Variants in DCC observed in about 807,000 individuals in gnomAD.
DCC encodes netrin receptor DCC.
A neutral mutation model predicts 172.5 loss-of-function variants in DCC; 58 were observed. That is an observed-to-expected ratio of 0.34 (90% confidence interval 0.27 to 0.42). DCC has a LOEUF of 0.42. Among genes scored for constraint, DCC ranks in the 10% least tolerant of loss-of-function variants. The pLI, the probability that DCC is intolerant of heterozygous loss-of-function variation, is 1.00. For missense variants in DCC, 1,740 were observed against 1,791.0 expected (o/e 0.97, Z 0.51); for synonymous variants, 709 against 644.5 (o/e 1.10, Z -1.52).
intron 1 of DCC, among the ~76,000 whole-genome samples, chr18:52,681,289 C>T (rs12964582): frequency 0.46 from 69,554 of 151,358 alleles, 16,074 homozygotes; most frequent in Non-Finnish European, 0.5. Context: ...CCCTTATCCT[C>T]CGTCCATTGC....
intron 7 of DCC, among the ~76,000 whole-genome samples, chr18:53,129,641 G>T (rs1358448224): frequency 6.6e-6 from 1 of 151,890 alleles, no homozygotes; most frequent in African/African-American, 2.4e-5. Flanking sequence ...TTCATCCATG[G>T]TTGTGTGTGT....
chr18:52,348,228 G>A (rs867557038), intron 1 of DCC, among the ~76,000 whole-genome samples: 1 of 152,112 alleles, frequency 6.6e-6, no homozygotes, highest in Non-Finnish European at 1.5e-5. Flanking sequence ...CTAATCTATT[G>A]TTGATGGATT....
At chr18:53,091,666 CTATTTA>C (rs2144182137) in intron 7 of DCC, among the ~76,000 whole-genome samples, 1 of 151,718 alleles carries the variant, frequency 6.6e-6, no homozygotes, top group African/African-American at 2.4e-5. Context: ...AGCACAAATT[CTATTTA>C]TAAGGGCTCC....
intron 1 of DCC, among the ~76,000 whole-genome samples, chr18:52,744,176 T>C (rs1457595619): frequency 6.6e-6 from 1 of 152,192 alleles, no homozygotes; most frequent in Non-Finnish European, 1.5e-5. Context: ...ATTTATTTAG[T>C]ATAAGTATTT....
chr18:53,145,322 C>T (rs1397720698), intron 7 of DCC, among the ~76,000 whole-genome samples: 5 of 152,054 alleles, frequency 3.3e-5, no homozygotes, highest in Non-Finnish European at 7.4e-5. Flanking sequence ...ACAGTGTTAG[C>T]TAGGATGGTC....
intron 18 of DCC, among the ~76,000 whole-genome samples, chr18:53,398,336 T>C (rs1407517699): frequency 6.6e-6 from 1 of 152,152 alleles, no homozygotes; most frequent in Non-Finnish European, 1.5e-5. Context: ...GTGAGAATAT[T>C]TTTACATATC....
intron 12 of DCC, among the ~76,000 whole-genome samples, chr18:53,278,368 T>C (rs1339974471): frequency 6.6e-6 from 1 of 152,120 alleles, no homozygotes; most frequent in East Asian, 1.9e-4. Flanking sequence ...AGCAAGGTTT[T>C]TGTGTGTGGT....
chr18:52,708,316 C>T (rs2036242236), intron 1 of DCC, among the ~76,000 whole-genome samples: 2 of 151,958 alleles, frequency 1.3e-5, no homozygotes. Context: ...GTGGCGGGCG[C>T]CTGTAGTCCC....
chr18:53,165,349 G>A (rs1018119293), intron 8 of DCC, among the ~76,000 whole-genome samples: 1 of 152,144 alleles, frequency 6.6e-6, no homozygotes, highest in Non-Finnish European at 1.5e-5. Flanking sequence ...TGACTGACAT[G>A]GAGGATTCCT....
chr18:52,779,353 G>T (rs189796368), intron 2 of DCC, among the ~76,000 whole-genome samples: 1 of 152,150 alleles, frequency 6.6e-6, no homozygotes, highest in African/African-American at 2.4e-5. Context: ...CCCTCCCTGT[G>T]TCCATGTGTA....
intron 1 of DCC, among the ~76,000 whole-genome samples, chr18:52,642,539 C>T (rs1009461356): frequency 4.0e-5 from 6 of 151,818 alleles, no homozygotes; most frequent in Admixed American, 6.6e-5. Context: ...AAGATTTTTT[C>T]CCCAAAACTA....
At chr18:53,508,921 G>A (rs1408490132) in intron 27 of DCC, among the ~76,000 whole-genome samples, 1 of 152,296 alleles carries the variant, frequency 6.6e-6, no homozygotes, top group Admixed American at 6.5e-5. Context: ...TGGTCACACT[G>A]CAAATGATCC....
At chr18:52,689,440 A>G (rs546915192) in intron 1 of DCC, among the ~76,000 whole-genome samples, 3 of 152,150 alleles carry the variant, frequency 2.0e-5, no homozygotes, top group Non-Finnish European at 4.4e-5. Flanking sequence ...GTTGGGAAGT[A>G]ATGAATGAGG....
intron 1 of DCC, among the ~76,000 whole-genome samples, chr18:52,366,286 T>C (rs2144283674): frequency 6.6e-6 from 1 of 152,288 alleles, no homozygotes; most frequent in Middle Eastern, 3.4e-3. Flanking sequence ...AAAAGCAGCG[T>C]GGACCCAAAC....
rs185996266 is a variant in DCC at position 52,883,869 on chromosome 18, A to G, written c.413-22175A>G. On this transcript the variant is annotated intron_variant, in intron 2 of 28. Coordinates refer to ENST00000442544, the MANE Select transcript of DCC (RefSeq NM_005215.4). ...TTCAAGTTGAAGAAATTCCTTTAGC[A>G]TTTCTTGTAGGACATATCTGGTGTT... Among the ~76,000 whole-genome samples the G allele has an allele frequency of 4.7e-5, 7 of 150,248 alleles. No homozygotes were observed. The East Asian group carries it at 7.8e-4, about 17-fold the overall frequency.
chr18:53,459,070 G>A (rs572115689), intron 23 of DCC, among the ~76,000 whole-genome samples, 162 bp from the exon 24 acceptor site: 180 of 152,306 alleles, frequency 1.2e-3, no homozygotes, highest in African/African-American at 4.2e-3. Context: ...GGGGGAAGAG[G>A]AAAGGCAGCC....
At chr18:53,284,205 A>T (rs1214768847) in intron 12 of DCC, among the ~76,000 whole-genome samples, 2 of 152,148 alleles carry the variant, frequency 1.3e-5, no homozygotes, top group African/African-American at 4.8e-5. Flanking sequence ...GATCACTAAA[A>T]GGATTGAGAT....
chr18:52,529,927 A>G (rs547428329), intron 1 of DCC, among the ~76,000 whole-genome samples: 1 of 152,296 alleles, frequency 6.6e-6, no homozygotes, highest in Admixed American at 6.5e-5. Context: ...AAAAAGTACC[A>G]TGGTTAAGTC....
intron 5 of DCC, among the ~76,000 whole-genome samples, chr18:53,031,132 A>G (rs2143958615): frequency 6.6e-6 from 1 of 152,216 alleles, no homozygotes; most frequent in Non-Finnish European, 1.5e-5. Flanking sequence ...TGTGGTGGGC[A>G]TCTGTAATCC....
Sources: allele counts gnomAD v4.1 joint callset (sites outside exome capture counted in the v4.1 genomes callset), GRCh38; gene constraint gnomAD v4.1.1; transcripts MANE v1.5; gene names NCBI Gene and HGNC (gene_info 2026-07-23, HGNC 2026-07-21).